Variants in PARVG observed in about 807,000 individuals in gnomAD.
PARVG encodes the protein gamma-parvin.
PARVG carries 36 observed loss-of-function variants against 44.4 expected under a neutral mutation model. That is an observed-to-expected ratio of 0.81 (90% CI 0.62 to 1.07). The LOEUF is 1.07. PARVG is among the 50% of genes least tolerant of loss of function. The pLI is 0.00. For synonymous variants in PARVG, 170 were observed against 174.1 expected (o/e 0.98, Z 0.19); for missense variants, 407 against 407.4 (o/e 1.00, Z 0.01).
chr22:44,181,449 C>T (rs1473461606), intron 1 of PARVG: 19 of 951,240 alleles, frequency 2.0e-5, no homozygotes, highest in Non-Finnish European at 2.4e-5. Context: ...GACGGCGGTG[C>T]GGGATGGAGG....
intron 12 of PARVG, among the ~76,000 whole-genome samples, chr22:44,198,988 A>ACCCACCCACCCACCCAC (rs2054667645): frequency 1.9e-5 from 2 of 102,654 alleles, no homozygotes; most frequent in African/African-American, 6.9e-5. Flanking sequence ...CCATCCATCC[A>ACCCACCCACCCACCCAC]TCATCTACCT....
At chr22:44,201,714 C>T (rs2147239568) in intron 12 of PARVG, among the ~76,000 whole-genome samples, 1 of 152,350 alleles carries the variant, frequency 6.6e-6, no homozygotes, top group Middle Eastern at 3.4e-3. Context: ...TTCCCACAGA[C>T]CGGCAGGTCG....
At chr22:44,189,978 T>G (rs903457705) in intron 6 of PARVG, among the ~76,000 whole-genome samples, 1 of 152,120 alleles carries the variant, frequency 6.6e-6, no homozygotes, top group African/African-American at 2.4e-5. Context: ...CCCACCTGGT[T>G]CACAGTTTGG....
At chr22:44,174,265 G>A (rs952792138) in intron 1 of PARVG, among the ~76,000 whole-genome samples, 1 of 152,074 alleles carries the variant, frequency 6.6e-6, no homozygotes, top group South Asian at 2.1e-4. Context: ...CAGGGGGGTG[G>A]TTACCTGTCT....
rs575732478 is a variant in PARVG at position 44,187,944 on chromosome 22, C to A, written c.247+66C>A. On this transcript the variant is annotated intron_variant, in intron 5 of 13. Transcript: ENST00000444313. ...TCCCCCTGACCTGGCCCCTCCAGGG[C>A]CCACAGGTAGGCTCTCTCCTTCAGT... 1,769 of 1,514,514 alleles carry A rather than the reference C, an allele frequency of 1.2e-3. 10 individuals carry two copies. Among genetic ancestry groups the A allele is most frequent in the Middle Eastern group, 0.011 (66 of 5,894 alleles). 93.8% of individuals were successfully genotyped at this position (1,514,514 alleles called of 1,614,324 possible).
intron 11 of PARVG, among the ~76,000 whole-genome samples, chr22:44,196,990 G>A (rs960446600): frequency 2.6e-5 from 4 of 152,206 alleles, no homozygotes; most frequent in African/African-American, 9.6e-5. Flanking sequence ...CACACTGCAG[G>A]GGAGCAGGGG....
chr22:44,174,293 G>A (rs888437083), intron 1 of PARVG, among the ~76,000 whole-genome samples: 4 of 152,166 alleles, frequency 2.6e-5, no homozygotes, highest in African/African-American at 9.7e-5. Context: ...GACAGCTGAA[G>A]CCTGGAGATG....
chr22:44,204,754 TC>T (rs1227180938), intron 12 of PARVG, among the ~76,000 whole-genome samples: 1 of 152,188 alleles, frequency 6.6e-6, no homozygotes, highest in Non-Finnish European at 1.5e-5. Context: ...GTCCACCCCG[TC>T]TAGTGGATCT....
chr22:44,183,147 A>G, intron 2 of PARVG, 171 bp from the exon 3 acceptor site: 1 of 569,848 alleles, frequency 1.8e-6, no homozygotes, highest in Non-Finnish European at 3.0e-6. Flanking sequence ...GGGTTGGCTC[A>G]AGGGCTCTTT....
intron 12 of PARVG, 87 bp from the exon 13 acceptor site, chr22:44,205,670 C>A: frequency 2.0e-6 from 3 of 1,507,210 alleles, no homozygotes; most frequent in Non-Finnish European, 2.7e-6. Context: ...ACATCACAGA[C>A]AACAGGAAGG....
intron 3 of PARVG, chr22:44,185,262 A>G (rs2147221190): frequency 6.4e-6 from 1 of 155,144 alleles, no homozygotes; most frequent in South Asian, 2.0e-4. Flanking sequence ...CCCCCCATGT[A>G]CCTTGGAACT....
At chr22:44,195,241 G>A (rs1363126151) in intron 9 of PARVG, among the ~76,000 whole-genome samples, 3 of 152,156 alleles carry the variant, frequency 2.0e-5, no homozygotes, top group African/African-American at 7.2e-5. Flanking sequence ...GGGGCAGCAT[G>A]AGAAGTGGGT....
At chr22:44,198,480 C>T in intron 11 of PARVG, 141 bp from the exon 12 acceptor site, 1 of 688,800 alleles carries the variant, frequency 1.5e-6, no homozygotes, top group Non-Finnish European at 2.6e-6. Flanking sequence ...TGAGGTCAGG[C>T]ATGTCTTCCC....
chr22:44,189,541 G>C (rs1043496644), intron 6 of PARVG, among the ~76,000 whole-genome samples: 5 of 152,192 alleles, frequency 3.3e-5, no homozygotes, highest in Admixed American at 2.0e-4. Context: ...CCACTGTTGA[G>C]TTCCAAGTAC....
intron 4 of PARVG, chr22:44,186,956 G>T (rs2054480996): frequency 3.4e-6 from 1 of 295,352 alleles, no homozygotes; most frequent in African/African-American, 2.2e-5. Context: ...AGAAAGGGCT[G>T]GGCCTTGATT....
At chr22:44,178,741 C>A (rs1212050017), upstream of PARVG, among the ~76,000 whole-genome samples, 1 of 152,046 alleles carries the variant, frequency 6.6e-6, no homozygotes, top group African/African-American at 2.4e-5. Flanking sequence ...ACATGAAAAC[C>A]AAATGCAATC....
Position 44,187,864 on chromosome 22 carries a change from T to C in PARVG, c.233T>C (p.Leu78Pro). Reference protein sequence around the residue: ...LEEDMFDGLILHHLFQRLAAL... With the variant: ...LEEDMFDGLIPHHLFQRLAAL... ...GAGGACATGTTCGACGGGCTCATCC[T>C]ACACCACCTATTCCGTAAGTGGCTG... The change falls in exon 5 of 14, where the codon CTA becomes CCA. Residue 78 changes from leucine to proline, a missense_variant. Coordinates refer to ENST00000444313, the MANE Select transcript of PARVG (RefSeq NM_022141.7). The C allele has an allele frequency of 6.2e-7, 1 of 1,614,230 alleles. No homozygotes were observed. The highest frequency in any genetic ancestry group is 8.5e-7 in the Non-Finnish European group (1 of 1,180,046).
intron 8 of PARVG, among the ~76,000 whole-genome samples, chr22:44,192,868 T>C (rs1483835092): frequency 6.6e-6 from 1 of 152,168 alleles, no homozygotes; most frequent in African/African-American, 2.4e-5. Flanking sequence ...AGGTGGGGCC[T>C]GGAGAGGGAT....
intron 5 of PARVG, 164 bp from the exon 6 acceptor site, chr22:44,188,949 AC>A (rs2054511458): frequency 4.8e-6 from 4 of 829,182 alleles, no homozygotes; most frequent in Non-Finnish European, 7.5e-6. Flanking sequence ...TGGAGGGCAT[AC>A]CCGATTGAGG....
Sources: gnomAD v4.1 joint callset for allele counts (sites outside exome capture counted in the v4.1 genomes callset) on GRCh38, gnomAD v4.1.1 for gene constraint, MANE v1.5 for transcripts, NCBI Gene and HGNC (gene_info 2026-07-23, HGNC 2026-07-21) for gene names.